SPTLC3: variants seen among roughly 807,000 people sequenced by gnomAD.
The protein encoded by SPTLC3 is serine palmitoyltransferase long chain base subunit 3.
In SPTLC3, 36 loss-of-function variants were observed where a neutral mutation model predicts 59.3. The ratio of observed to expected loss-of-function variants is 0.61; its 90% CI spans 0.47 to 0.80. SPTLC3 has a LOEUF of 0.80. Among genes scored for constraint, SPTLC3 ranks in the 30% least tolerant of loss-of-function variants. The pLI is 0.00. For missense variants in SPTLC3, 625 were observed against 685.1 expected (o/e 0.91, Z 0.98); for synonymous variants, 257 against 240.8 (o/e 1.07, Z -0.62).
chr20:13,042,212 A>G (rs1346469284), intron 1 of SPTLC3, among the ~76,000 whole-genome samples: 3 of 152,158 alleles, frequency 2.0e-5, no homozygotes, highest in Admixed American at 6.5e-5. Flanking sequence ...AGTCTCTTCT[A>G]AAGTGCTTGC....
rs753265033 is a variant in SPTLC3, at chr20:13,048,953, G to A, written c.126G>A (p.Gly42=). The A allele has an allele frequency of 3.9e-6, 6 of 1,553,206 alleles. No individual in the cohort carries two copies. The Admixed American group carries it at 8.5e-5, about 22-fold the overall frequency. Residue 42 remains glycine (G), a synonymous_variant, in exon 2 of 12, where the codon GGG becomes GGA. Coordinates refer to ENST00000399002, the MANE Select transcript of SPTLC3 (RefSeq NM_018327.4). ...NGIVKEAQQN[G]KPHFYDKLIV... Reference sequence around the variant, plus strand: ...TTCTTTTGTGTTTTCAGCAAAATGGGAAGCCACATTTTTATGATAAGCTCA... The same window carrying A: ...TTCTTTTGTGTTTTCAGCAAAATGGAAAGCCACATTTTTATGATAAGCTCA...
rs1035283425 is a variant in SPTLC3 at position 13,168,364 on chromosome 20, G to A, written c.*3497G>A. The A allele has an allele frequency of 2.6e-5, 4 of 152,036 alleles. No homozygotes were observed. The highest frequency in any genetic ancestry group is 7.2e-5 in the African/African-American group (3 of 41,386). The allele number at this position is 152,036 out of a possible 1,614,324, so 9.4% of individuals were successfully genotyped here. On this transcript the variant is annotated 3_prime_UTR_variant, in exon 12 of 12. Coordinates refer to ENST00000399002, the MANE Select transcript of SPTLC3 (RefSeq NM_018327.4). The stretch of plus-strand genomic sequence containing the variant: ...AAGCATGGCTAATTTTCTATTTTTA[G>A]TAGAGACAAGGTTTTTCCCTGTTGG...
intron 1 of SPTLC3, among the ~76,000 whole-genome samples, chr20:13,045,767 C>T (rs1232768689): frequency 6.6e-6 from 1 of 152,082 alleles, no homozygotes; most frequent in African/African-American, 2.4e-5. Context: ...TAAATAGTTA[C>T]ATATAGGCCC....
intron 1 of SPTLC3, among the ~76,000 whole-genome samples, chr20:13,028,570 A>G (rs541033275): frequency 6.6e-5 from 10 of 152,340 alleles, no homozygotes; most frequent in African/African-American, 2.4e-4. Context: ...ATATACTTAT[A>G]TGTTACACAT....
intron 1 of SPTLC3, among the ~76,000 whole-genome samples, chr20:13,024,238 G>A (rs897926384): frequency 2.0e-5 from 3 of 152,206 alleles, no homozygotes; most frequent in East Asian, 3.9e-4. Context: ...CTAGTCACAG[G>A]ACCTGTCTTT....
chr20:13,058,991 A>T (rs1281085253), intron 2 of SPTLC3, among the ~76,000 whole-genome samples: 2 of 152,152 alleles, frequency 1.3e-5, no homozygotes, highest in Non-Finnish European at 2.9e-5. Context: ...TCTCTATGTT[A>T]AGGGCAGAGG....
At chr20:13,063,737 C>G (rs1300036343) in intron 2 of SPTLC3, among the ~76,000 whole-genome samples, 1 of 149,658 alleles carries the variant, frequency 6.7e-6, no homozygotes, top group Admixed American at 6.7e-5. Context: ...CACTGCAAAC[C>G]TTCTCCCCAT....
intron 9 of SPTLC3, among the ~76,000 whole-genome samples, chr20:13,141,219 G>T (rs912710538): frequency 2.0e-5 from 3 of 152,186 alleles, no homozygotes; most frequent in Non-Finnish European, 4.4e-5. Context: ...GACATTGATT[G>T]TCTTCAGTGC....
chr20:13,129,941 GA>G (rs143445605), intron 9 of SPTLC3, among the ~76,000 whole-genome samples: 78 of 147,130 alleles, frequency 5.3e-4, no homozygotes, highest in East Asian at 1.6e-3. Context: ...TCTTAAGAGA[GA>G]AAAAAAAAAC....
chr20:13,065,891 C>T (rs1988185779), intron 2 of SPTLC3, among the ~76,000 whole-genome samples: 1 of 149,180 alleles, frequency 6.7e-6, no homozygotes, highest in African/African-American at 2.6e-5. Context: ...TCCATCATTT[C>T]ACATAGTTAC....
chr20:13,038,833 A>G (rs1443022031), intron 1 of SPTLC3, among the ~76,000 whole-genome samples: 1 of 152,130 alleles, frequency 6.6e-6, no homozygotes, highest in Non-Finnish European at 1.5e-5. Flanking sequence ...AAGTTTAGGT[A>G]TACATGTCTT....
chr20:13,131,788 A>G (rs1250281197), intron 9 of SPTLC3, among the ~76,000 whole-genome samples: 1 of 152,076 alleles, frequency 6.6e-6, no homozygotes, highest in Non-Finnish European at 1.5e-5. Flanking sequence ...TATCTTTTTT[A>G]AAAAGGAGAA....
At chr20:13,013,294 C>A (rs1985352179) in intron 1 of SPTLC3, among the ~76,000 whole-genome samples, 1 of 152,190 alleles carries the variant, frequency 6.6e-6, no homozygotes, top group Non-Finnish European at 1.5e-5. Context: ...GTATAAACTT[C>A]TTCTAGAGAA....
chr20:13,048,189 T>A (rs1354416733), intron 1 of SPTLC3, among the ~76,000 whole-genome samples: 1 of 136,128 alleles, frequency 7.3e-6, no homozygotes, highest in East Asian at 2.3e-4. Flanking sequence ...TAAAGCAAGT[T>A]CTTTGAGACC....
intron 1 of SPTLC3, among the ~76,000 whole-genome samples, chr20:13,032,617 C>T (rs1317547636): frequency 6.6e-6 from 1 of 152,158 alleles, no homozygotes; most frequent in South Asian, 2.1e-4. Context: ...TCTTTACCAC[C>T]TCTCTTAACT....
intron 5 of SPTLC3, among the ~76,000 whole-genome samples, chr20:13,091,786 G>A (rs1018534101): frequency 2.6e-5 from 4 of 152,056 alleles, no homozygotes; most frequent in Non-Finnish European, 5.9e-5. Context: ...GGGCTCCTGA[G>A]TTCCCATCTG....
intron 5 of SPTLC3, 87 bp from the exon 6 acceptor site, chr20:13,093,397 G>A (rs1989297710): frequency 1.6e-6 from 2 of 1,214,670 alleles, no homozygotes; most frequent in South Asian, 2.7e-5. Context: ...TGTGTTATAG[G>A]TTTTAGAGTG....
chr20:13,010,529 T>C (rs2122346979), intron 1 of SPTLC3, among the ~76,000 whole-genome samples: 1 of 152,302 alleles, frequency 6.6e-6, no homozygotes, highest in Admixed American at 6.5e-5. Context: ...AAAGGCACTG[T>C]CCAACGCTGG....
chr20:13,143,811 C>T (rs2038442062), intron 9 of SPTLC3, among the ~76,000 whole-genome samples: 3 of 152,220 alleles, frequency 2.0e-5, no homozygotes, highest in Admixed American at 2.0e-4. Context: ...ATTACTCAGC[C>T]TAGTATCTGT....
Sources: allele counts gnomAD v4.1 joint callset (sites outside exome capture counted in the v4.1 genomes callset), GRCh38; gene constraint gnomAD v4.1.1; transcripts MANE v1.5; gene names NCBI Gene and HGNC (gene_info 2026-07-23, HGNC 2026-07-21).